The following CELF2 variants were observed in gnomAD, a reference collection of about 807,000 sequenced individuals.
CELF2 encodes CUG triplet repeat RNA-binding protein 2.
Under a neutral mutation model 62.6 loss-of-function variants are expected in CELF2, and 8 were observed. The observed-to-expected ratio is 0.13, with a 90% CI of 0.07 to 0.23. The LOEUF is 0.23. Ranked by LOEUF, CELF2 falls within the 10% of genes least tolerant of loss-of-function variation. The pLI is 1.00. For missense variants in CELF2, 333 were observed against 671.0 expected (o/e 0.50, Z 5.56); for synonymous variants, 258 against 250.0 (o/e 1.03, Z -0.30).
In CELF2 at chr10:11,244,344, G is replaced by T. The variant is rs1369949923; in HGVS notation, c.355-4809G>T. ...TTGTGCTTTAGGTGTCTTGTTTTCG[G>T]TGAATGTTCTTTTTAACAACTTCCA... On this transcript the variant is annotated intron_variant, in intron 3 of 12. Transcript: ENST00000633077. The surrounding 1 kb of genome is among the most constrained non-coding windows in gnomAD (Gnocchi z 4.2). 6.6e-6 allele frequency among the ~76,000 whole-genome samples: 1 copy of T among 152,184 alleles called. No individual in the cohort carries two copies.
chr10:11,217,368 T>C lies in CELF2; in HGVS notation c.272-57T>C. ...ATTGTTTGTTCGCCACAGTCTCCAT[T>C]ATATCTAAGCAAAGCATTCACAGAA... On this transcript the variant is annotated intron_variant, in intron 2 of 12. Coordinates refer to ENST00000633077, the MANE Select transcript of CELF2 (RefSeq NM_001326342.2). This position sits in a 1 kb window ranked among gnomAD's most constrained non-coding sequence, Gnocchi z 5.6. 1 of 1,235,718 alleles carries C rather than the reference T, an allele frequency of 8.1e-7. No homozygotes were observed. The highest frequency in any genetic ancestry group is 1.2e-6 in the Non-Finnish European group (1 of 847,168). 76.5% of individuals were successfully genotyped at this position (1,235,718 alleles called of 1,614,324 possible).
At chr10:11,109,882 C>T (rs1206139014) in intron 1 of CELF2, among the ~76,000 whole-genome samples, 1 of 152,186 alleles carries the variant, frequency 6.6e-6, no homozygotes, top group Non-Finnish European at 1.5e-5. Flanking sequence ...GCAGTTTAGT[C>T]AGTGGGTGGG....
the CELF2 span, among the ~76,000 whole-genome samples, chr10:10,501,962 A>G: frequency 8.5e-5 from 13 of 152,228 alleles, no homozygotes; most frequent in Admixed American, 8.5e-4. Flanking sequence ...TTTCTTTTTC[A>G]AGAATTTCTA....
At position 11,110,020 on chromosome 10, in the gene CELF2, AG is replaced by A. The variant is rs1377422538; in HGVS notation, c.75-55464del. Among the ~76,000 whole-genome samples, 2 of 152,164 alleles carry A rather than the reference AG, an allele frequency of 1.3e-5. No individual in the cohort carries two copies. The highest frequency in any genetic ancestry group is 4.8e-5 in the African/African-American group (2 of 41,430). On this transcript the variant is annotated intron_variant, in intron 1 of 12. Transcript: ENST00000633077. The surrounding 1 kb of genome is among the most constrained non-coding windows in gnomAD (Gnocchi z 4.0). ...ATGCTTGTAATCCCAGCACTTTGAG[AG>A]GCTGAGGCAGGAGGATGGCTTGAGC...
chr10:11,086,170 A>G (rs1427483637), intron 1 of CELF2, among the ~76,000 whole-genome samples: 1 of 152,186 alleles, frequency 6.6e-6, no homozygotes, highest in Admixed American at 6.5e-5. Flanking sequence ...GAACAGGATT[A>G]TTCAGGATAA....
intron 9 of CELF2, among the ~76,000 whole-genome samples, chr10:11,303,764 T>TA: frequency 6.6e-6 from 1 of 152,302 alleles, no homozygotes; most frequent in South Asian, 2.1e-4. Flanking sequence ...AGCCACTAGA[T>TA]AGACATAAGA....
chr10:10,588,264 A>G, the CELF2 span, among the ~76,000 whole-genome samples: 2 of 152,146 alleles, frequency 1.3e-5, no homozygotes, highest in Non-Finnish European at 2.9e-5. Context: ...GAGCCACAGG[A>G]GAGAAAGAAA....
chr10:11,279,913 C>A (rs1236240694), intron 8 of CELF2, among the ~76,000 whole-genome samples: 1 of 152,200 alleles, frequency 6.6e-6, no homozygotes, highest in Non-Finnish European at 1.5e-5. Context: ...CTAAAACTTA[C>A]TGAAATGTTT....
At chr10:10,909,653 C>T (rs920574479) in intron 1 of CELF2, among the ~76,000 whole-genome samples, 5 of 152,214 alleles carry the variant, frequency 3.3e-5, no homozygotes, top group Non-Finnish European at 5.9e-5. Flanking sequence ...TCTGCTTTCT[C>T]AGTCACAAAT....
the CELF2 span, among the ~76,000 whole-genome samples, chr10:10,484,417 C>T: frequency 4.5e-4 from 63 of 140,488 alleles, 1 homozygote; most frequent in African/African-American, 1.5e-3. Context: ...CCTGGGTTCA[C>T]GCGATTCTCC....
chr10:10,770,341 A>C, the CELF2 span, among the ~76,000 whole-genome samples: 2 of 151,710 alleles, frequency 1.3e-5, no homozygotes, highest in African/African-American at 4.9e-5. Flanking sequence ...CAATCAATCA[A>C]TCAATCAATC....
intron 1 of CELF2, among the ~76,000 whole-genome samples, chr10:11,022,409 C>A (rs1449965837): frequency 6.6e-6 from 1 of 152,042 alleles, no homozygotes; most frequent in Non-Finnish European, 1.5e-5. Context: ...TGATGAGATG[C>A]AGTGAGCTGG....
chr10:10,563,533 A>T, the CELF2 span, among the ~76,000 whole-genome samples: 2 of 149,950 alleles, frequency 1.3e-5, no homozygotes, highest in Non-Finnish European at 3.0e-5. Context: ...GCTTGAACCC[A>T]GGAGACGGAG....
intron 1 of CELF2, among the ~76,000 whole-genome samples, chr10:10,849,180 T>A (rs2059213222): frequency 6.6e-6 from 1 of 151,288 alleles, no homozygotes; most frequent in African/African-American, 2.4e-5. Flanking sequence ...GCGGATCTCT[T>A]GAGGTCAGGA....
the CELF2 span, among the ~76,000 whole-genome samples, chr10:10,501,807 T>C: frequency 2.6e-5 from 4 of 152,190 alleles, no homozygotes; most frequent in Admixed American, 6.5e-5. Context: ...AGCACTATGT[T>C]GAATAAGAGT....
At chr10:10,512,165 A>G in the CELF2 span, among the ~76,000 whole-genome samples, 1 of 152,112 alleles carries the variant, frequency 6.6e-6, no homozygotes, top group Admixed American at 6.5e-5. Flanking sequence ...GCAAGTAAAG[A>G]GCTTGATGTG....
At chr10:11,026,457 A>G (rs1467499950) in intron 1 of CELF2, among the ~76,000 whole-genome samples, 2 of 152,192 alleles carry the variant, frequency 1.3e-5, no homozygotes, top group Non-Finnish European at 2.9e-5. Context: ...CAGGGTTGAA[A>G]TCATTTGGTC....
intron 3 of CELF2, among the ~76,000 whole-genome samples, chr10:11,222,371 C>A (rs1341690888): frequency 6.6e-6 from 1 of 152,174 alleles, no homozygotes; most frequent in African/African-American, 2.4e-5. Context: ...CTCACTGTGT[C>A]AGAGAAATTT....
At chr10:10,470,377 T>C in the CELF2 span, among the ~76,000 whole-genome samples, 1 of 151,824 alleles carries the variant, frequency 6.6e-6, no homozygotes, top group Non-Finnish European at 1.5e-5. Flanking sequence ...TTGAGTTCTG[T>C]AGATCAGAAG....
Sources: allele counts gnomAD v4.1 joint callset (sites outside exome capture counted in the v4.1 genomes callset), GRCh38; gene constraint gnomAD v4.1.1; non-coding constraint Gnocchi (gnomAD v3.1); transcripts MANE v1.5; gene names NCBI Gene and HGNC (gene_info 2026-07-23, HGNC 2026-07-21).